Variants in SGCZ observed in about 807,000 individuals in gnomAD.
SGCZ encodes zeta-sarcoglycan.
In SGCZ, 40 loss-of-function variants were observed where a neutral mutation model predicts 41.3. The observed-to-expected ratio is 0.97, with a 90% confidence interval of 0.75 to 1.26. SGCZ has a LOEUF of 1.26. SGCZ is among the 50% of genes most tolerant of loss of function. The probability of loss-of-function intolerance (pLI) is 0.00; values close to 1 mark genes in which losing one functional copy is unlikely to be tolerated. For synonymous variants in SGCZ, 206 were observed against 137.5 expected (o/e 1.50, Z -3.49); for missense variants, 552 against 369.8 (o/e 1.49, Z -4.04).
At chr8:14,573,020 G>A (rs1299437568) in intron 1 of SGCZ, among the ~76,000 whole-genome samples, 1 of 152,054 alleles carries the variant, frequency 6.6e-6, no homozygotes, top group East Asian at 1.9e-4. Flanking sequence ...TATCTATAAA[G>A]AAATATGCAA....
intron 3 of SGCZ, among the ~76,000 whole-genome samples, chr8:14,301,477 T>C (rs1215200612): frequency 6.6e-6 from 1 of 151,712 alleles, no homozygotes; most frequent in East Asian, 1.9e-4. Context: ...AGTTTGCTGT[T>C]TTATAGATTA....
chr8:14,992,298 T>C (rs1003295360), intron 1 of SGCZ, among the ~76,000 whole-genome samples: 1 of 148,138 alleles, frequency 6.8e-6, no homozygotes, highest in Non-Finnish European at 1.5e-5. Flanking sequence ...CCAAAACTAA[T>C]GTTGGCATTG....
At chr8:14,126,634 G>C (rs1035175644) in intron 5 of SGCZ, among the ~76,000 whole-genome samples, 8 of 152,028 alleles carry the variant, frequency 5.3e-5, no homozygotes, top group Admixed American at 3.9e-4. Flanking sequence ...CCCATTACTG[G>C]GTATATATCC....
At chr8:14,766,453 T>C (rs1039975397) in intron 1 of SGCZ, among the ~76,000 whole-genome samples, 2 of 152,128 alleles carry the variant, frequency 1.3e-5, no homozygotes, top group Admixed American at 6.5e-5. Context: ...ATCTTCAAGA[T>C]AATATGTTTC....
intron 4 of SGCZ, among the ~76,000 whole-genome samples, chr8:14,165,632 C>G (rs1485923879): frequency 6.6e-6 from 1 of 152,052 alleles, no homozygotes; most frequent in African/African-American, 2.4e-5. Flanking sequence ...GGAAACCTTC[C>G]TCCTCTTCTA....
At chr8:14,323,696 G>GA (rs1312739190) in intron 3 of SGCZ, among the ~76,000 whole-genome samples, 1 of 152,010 alleles carries the variant, frequency 6.6e-6, no homozygotes, top group Non-Finnish European at 1.5e-5. Context: ...ATTTCTTTTA[G>GA]AAAATGCATG....
rs145463633 is a variant in SGCZ at position 14,718,791 on chromosome 8, C to A, written c.40-163865G>T. Among the ~76,000 whole-genome samples the A allele has an allele frequency of 1.8e-3, 270 of 150,664 alleles. 1 individual carries two copies. Among genetic ancestry groups the A allele is most frequent in the African/African-American group, 6.4e-3 (263 of 41,238 alleles). ...GAAAGAAATGAACAGTTTAGAAATC[C>A]CTTCTTCTTACTTCCACTCTTTGTC... On this transcript the variant is annotated intron_variant, in intron 1 of 7. Coordinates refer to ENST00000382080, the MANE Select transcript of SGCZ (RefSeq NM_139167.4).
At chr8:14,376,385 T>A (rs1804130661) in intron 2 of SGCZ, among the ~76,000 whole-genome samples, 1 of 151,972 alleles carries the variant, frequency 6.6e-6, no homozygotes, top group Non-Finnish European at 1.5e-5. Context: ...AACACAAACA[T>A]ACAAAATGAC....
rs1287977551 is a variant in SGCZ at position 14,089,594 on chromosome 8, T to C, written c.*849A>G. Among the ~76,000 whole-genome samples the C allele has an allele frequency of 6.6e-6, 1 of 152,056 alleles. No homozygotes were observed. The highest frequency in any genetic ancestry group is 1.9e-4 in the East Asian group (1 of 5,166). On this transcript the variant is annotated 3_prime_UTR_variant, in exon 8 of 8. Coordinates refer to ENST00000382080, the MANE Select transcript of SGCZ (RefSeq NM_139167.4). ...ATGTGAATTTTTTAAAAATCATCTATGGATTTAATACCATCAACATATCCT... is the reference window on the plus strand; with the variant it reads ...ATGTGAATTTTTTAAAAATCATCTACGGATTTAATACCATCAACATATCCT...
intron 2 of SGCZ, among the ~76,000 whole-genome samples, chr8:14,414,228 G>A (rs777846365): frequency 6.6e-6 from 1 of 151,642 alleles, no homozygotes; most frequent in African/African-American, 2.4e-5. Context: ...ACACGCTAGA[G>A]AGAGACATCT....
chr8:15,029,634 T>C (rs1165510295), intron 1 of SGCZ, among the ~76,000 whole-genome samples: 1 of 152,084 alleles, frequency 6.6e-6, no homozygotes, highest in Non-Finnish European at 1.5e-5. Context: ...AAGGGGGAAA[T>C]GTTACTTGAG....
At chr8:14,688,647 C>A (rs2117563191) in intron 1 of SGCZ, among the ~76,000 whole-genome samples, 1 of 152,198 alleles carries the variant, frequency 6.6e-6, no homozygotes, top group East Asian at 1.9e-4. Context: ...CAGCATTGTA[C>A]TTTTGGCTTA....
chr8:14,991,899 T>C (rs1364167532), intron 1 of SGCZ, among the ~76,000 whole-genome samples: 1 of 144,344 alleles, frequency 6.9e-6, no homozygotes, highest in African/African-American at 2.6e-5. Flanking sequence ...TCCAATCTAC[T>C]CCCAAATATA....
intron 3 of SGCZ, among the ~76,000 whole-genome samples, chr8:14,268,196 G>C (rs1799941161): frequency 6.7e-6 from 1 of 149,196 alleles, no homozygotes. Flanking sequence ...GAATACGGTA[G>C]ACTATATATA....
chr8:15,216,526 T>C (rs954604585), intron 1 of SGCZ, among the ~76,000 whole-genome samples: 5 of 151,988 alleles, frequency 3.3e-5, no homozygotes, highest in Non-Finnish European at 7.4e-5. Flanking sequence ...GGCCAGCTTA[T>C]TCTTTCTAAA....
intron 1 of SGCZ, among the ~76,000 whole-genome samples, chr8:14,755,895 C>T (rs990477553): frequency 6.6e-6 from 1 of 151,944 alleles, no homozygotes; most frequent in Admixed American, 6.6e-5. Flanking sequence ...AAATAAAAAA[C>T]TATACATTGA....
chr8:15,009,225 A>G (rs531996828), intron 1 of SGCZ, among the ~76,000 whole-genome samples: 1 of 152,380 alleles, frequency 6.6e-6, no homozygotes, highest in South Asian at 2.1e-4. Flanking sequence ...ATTATGGCAG[A>G]AAGCAAAGGG....
intron 1 of SGCZ, among the ~76,000 whole-genome samples, chr8:15,070,172 C>T (rs1193274226): frequency 2.0e-5 from 3 of 152,098 alleles, no homozygotes; most frequent in African/African-American, 7.2e-5. Context: ...TTATTCTCAG[C>T]AAGCTTCAAA....
intron 4 of SGCZ, among the ~76,000 whole-genome samples, chr8:14,168,479 T>C (rs895164607): frequency 1.3e-5 from 2 of 152,088 alleles, no homozygotes; most frequent in Non-Finnish European, 2.9e-5. Flanking sequence ...GCTGTTCTCA[T>C]GAGTGTGAAT....
Sources: allele counts gnomAD v4.1 joint callset (sites outside exome capture counted in the v4.1 genomes callset), GRCh38; gene constraint gnomAD v4.1.1; transcripts MANE v1.5; gene names NCBI Gene and HGNC (gene_info 2026-07-23, HGNC 2026-07-21).